ANKHD1: variants seen among roughly 807,000 people sequenced by gnomAD.
ANKHD1 encodes ankyrin repeat and KH domain containing 1, also known as ankyrin repeat and KH domain-containing protein 1.
A neutral mutation model predicts 230.5 loss-of-function variants in ANKHD1; 31 were observed. The observed-to-expected ratio is 0.13, with a 90% CI of 0.10 to 0.18. The LOEUF is 0.18. Ranked by LOEUF, ANKHD1 falls within the 10% of genes least tolerant of loss-of-function variation. The probability of loss-of-function intolerance (pLI) is 1.00; values close to 1 mark genes in which losing one functional copy is unlikely to be tolerated. For missense variants in ANKHD1, 2,256 were observed against 3,071.3 expected, an observed-to-expected ratio of 0.73 and a Z score of 6.27; for synonymous variants, 1,074 against 1,117.6, an observed-to-expected ratio of 0.96 and a Z score of 0.78.
intron 24 of ANKHD1, among the ~76,000 whole-genome samples, chr5:140,515,597 C>T (rs547876651): frequency 6.6e-5 from 10 of 152,274 alleles, no homozygotes; most frequent in East Asian, 3.9e-4. Context: ...GATCTGAGAA[C>T]GGGCAGACTG....
At chr5:140,443,106 C>G (rs191787947) in intron 5 of ANKHD1, among the ~76,000 whole-genome samples, 2 of 151,782 alleles carry the variant, frequency 1.3e-5, no homozygotes, top group Admixed American at 6.6e-5. Flanking sequence ...GGGGTTTCAC[C>G]GTGTTAGCCA....
At chr5:140,530,015 C>A (rs904376454) in intron 29 of ANKHD1, among the ~76,000 whole-genome samples, 4 of 151,450 alleles carry the variant, frequency 2.6e-5, no homozygotes, top group South Asian at 2.1e-4. Flanking sequence ...AAAAAAAACT[C>A]CAGGGATGTT....
chr5:140,415,387 A>C (rs1031990804), intron 1 of ANKHD1, among the ~76,000 whole-genome samples: 1 of 151,942 alleles, frequency 6.6e-6, no homozygotes, highest in Non-Finnish European at 1.5e-5. Context: ...GTCTTAAGAA[A>C]AAAAAAAAGA....
Position 140,537,509 on chromosome 5 carries a change from C to T in ANKHD1, c.7148C>T (p.Ala2383Val). The T allele has an allele frequency of 1.2e-6, 2 of 1,613,940 alleles. No individual in the cohort carries two copies. The highest frequency in any genetic ancestry group is 1.7e-4 in the Middle Eastern group (1 of 6,060). ...LARIRQGGSV[A>V]QAPAGTSFVA... Reference sequence around the variant, plus strand: ...CGAATTCGGCAAGGAGGGTCTGTTGCACAAGCCCCGGCGGGGACCAGTTTT... The same window carrying T: ...CGAATTCGGCAAGGAGGGTCTGTTGTACAAGCCCCGGCGGGGACCAGTTTT... Residue 2383 changes from alanine (A) to valine (V), a missense_variant, in exon 31 of 34, where the codon GCA becomes GTA. Transcript: ENST00000360839.
At chr5:140,462,846 T>G (rs1276820434) in intron 9 of ANKHD1, among the ~76,000 whole-genome samples, 2 of 151,994 alleles carry the variant, frequency 1.3e-5, no homozygotes, top group Non-Finnish European at 2.9e-5. Context: ...GAAGTGTTTT[T>G]TTGTTTGGTT....
chr5:140,416,953 A>G (rs776531220), intron 1 of ANKHD1, among the ~76,000 whole-genome samples: 36 of 151,938 alleles, frequency 2.4e-4, no homozygotes, highest in Non-Finnish European at 4.9e-4. Flanking sequence ...TTTTAATACA[A>G]ATTTTATGTA....
intron 14 of ANKHD1, among the ~76,000 whole-genome samples, chr5:140,492,662 A>G (rs1431131915): frequency 6.6e-6 from 1 of 152,148 alleles, no homozygotes; most frequent in Non-Finnish European, 1.5e-5. Context: ...AAATCATTCT[A>G]GTAGGGTGCT....
intron 24 of ANKHD1, among the ~76,000 whole-genome samples, chr5:140,518,485 A>G (rs1288091625): frequency 1.5e-4 from 23 of 149,748 alleles, no homozygotes; most frequent in Middle Eastern, 6.9e-3. Context: ...GACACAACCA[A>G]ATAAGAGAAT....
At chr5:140,475,391 A>G (rs758916235) in intron 10 of ANKHD1, among the ~76,000 whole-genome samples, 4 of 152,208 alleles carry the variant, frequency 2.6e-5, no homozygotes, top group South Asian at 4.1e-4. Context: ...TTTCACATGT[A>G]GTACATCAGT....
chr5:140,538,892 AT>A, intron 32 of ANKHD1, 26 bp from the exon 33 acceptor site: 1 of 1,473,146 alleles, frequency 6.8e-7, no homozygotes, highest in Non-Finnish European at 9.0e-7. Flanking sequence ...TAATTTTAAG[AT>A]TAAATCTTTT....
chr5:140,487,108 T>G, intron 14 of ANKHD1, 48 bp downstream of exon 14: 1 of 1,564,588 alleles, frequency 6.4e-7, no homozygotes, highest in South Asian at 1.2e-5. Flanking sequence ...TTTCACCTAA[T>G]TGATAAATCC....
intron 1 of ANKHD1, among the ~76,000 whole-genome samples, chr5:140,429,005 C>T (rs929223895): frequency 3.3e-5 from 5 of 151,450 alleles, no homozygotes; most frequent in Non-Finnish European, 5.9e-5. Context: ...AGGCTGGTCT[C>T]GAACTCCTGA....
intron 24 of ANKHD1, among the ~76,000 whole-genome samples, chr5:140,515,434 A>G (rs922196113): frequency 6.6e-6 from 1 of 152,206 alleles, no homozygotes; most frequent in Non-Finnish European, 1.5e-5. Context: ...CCAATTAAAG[A>G]CTATCCAGAA....
At chr5:140,439,151 T>C (rs898799554) in intron 3 of ANKHD1, among the ~76,000 whole-genome samples, 2 of 152,194 alleles carry the variant, frequency 1.3e-5, no homozygotes, top group African/African-American at 4.8e-5. Context: ...AGTTTGAGAC[T>C]CGGTGGTCTA....
chr5:140,480,915 C>T (rs1334551120), intron 10 of ANKHD1, among the ~76,000 whole-genome samples: 1 of 151,996 alleles, frequency 6.6e-6, no homozygotes, highest in African/African-American at 2.4e-5. Context: ...CTTACACAGA[C>T]TAAAATATGA....
chr5:140,497,399 A>G (rs1752081368), intron 15 of ANKHD1, 121 bp downstream of exon 15: 2 of 1,432,114 alleles, frequency 1.4e-6, no homozygotes, highest in Admixed American at 5.3e-5. Flanking sequence ...AAAATTACCC[A>G]TTTCTCGAAG....
At chr5:140,445,023 T>G (rs1159900513) in intron 5 of ANKHD1, among the ~76,000 whole-genome samples, 1 of 146,050 alleles carries the variant, frequency 6.8e-6, no homozygotes, top group East Asian at 2.1e-4. Flanking sequence ...CCTGGCTCAG[T>G]TTTTTTTTAG....
chr5:140,408,670 CTG>C (rs749607502), intron 1 of ANKHD1, among the ~76,000 whole-genome samples: 4 of 152,084 alleles, frequency 2.6e-5, no homozygotes, highest in Non-Finnish European at 5.9e-5. Flanking sequence ...TATATATAAT[CTG>C]TTTTTTAATT....
At chr5:140,533,889 G>A (rs114231716) in intron 29 of ANKHD1, among the ~76,000 whole-genome samples, 130 of 151,418 alleles carry the variant, frequency 8.6e-4, no homozygotes, top group African/African-American at 3.1e-3. Flanking sequence ...GCCACATTCA[G>A]TATTCTCACT....
Sources: gnomAD v4.1 joint callset for allele counts (sites outside exome capture counted in the v4.1 genomes callset) on GRCh38, gnomAD v4.1.1 for gene constraint, MANE v1.5 for transcripts, NCBI Gene and HGNC (gene_info 2026-07-23, HGNC 2026-07-21) for gene names.